The following NPSR1 variants were observed in gnomAD, a reference collection of about 807,000 sequenced individuals.
NPSR1 encodes the protein neuropeptide S receptor.
A neutral mutation model predicts 46.9 loss-of-function variants in NPSR1; 48 were observed. That is an observed-to-expected ratio of 1.02 (90% CI 0.81 to 1.30). The LOEUF is 1.30. Ranked by LOEUF, NPSR1 falls within the 50% of genes most tolerant of loss-of-function variation. The probability of loss-of-function intolerance (pLI) is 0.00; values close to 1 mark genes in which losing one functional copy is unlikely to be tolerated. For missense variants in NPSR1, 450 were observed against 449.5 expected, an observed-to-expected ratio of 1.00 and a Z score of -0.01; for synonymous variants, 176 against 168.1, an observed-to-expected ratio of 1.05 and a Z score of -0.36.
intron 1 of NPSR1, among the ~76,000 whole-genome samples, chr7:34,659,076 G>A (rs950421635): frequency 1.3e-5 from 2 of 152,094 alleles, no homozygotes; most frequent in African/African-American, 4.8e-5. Flanking sequence ...TTTCTTTGAG[G>A]GTAGTTGATG....
At chr7:34,765,763 A>T (rs968205193) in intron 2 of NPSR1, among the ~76,000 whole-genome samples, 3 of 152,266 alleles carry the variant, frequency 2.0e-5, no homozygotes, top group Non-Finnish European at 2.9e-5. Context: ...ACTTGGATGC[A>T]TCTGGAGGCC....
intron 2 of NPSR1, among the ~76,000 whole-genome samples, chr7:34,696,100 T>C (rs932317524): frequency 1.5e-5 from 2 of 131,970 alleles, no homozygotes; most frequent in African/African-American, 5.7e-5. Flanking sequence ...AAAAAAAAAC[T>C]GCGGTATATA....
At chr7:34,764,862 C>A (rs1436664660) in intron 2 of NPSR1, among the ~76,000 whole-genome samples, 6 of 152,058 alleles carry the variant, frequency 3.9e-5, no homozygotes. Flanking sequence ...AATACCCCAC[C>A]CCTAAGGCCC....
chr7:34,686,883 T>C (rs1792954420), intron 2 of NPSR1, among the ~76,000 whole-genome samples: 1 of 149,144 alleles, frequency 6.7e-6, no homozygotes, highest in Admixed American at 6.9e-5. Context: ...TCTCAGAACA[T>C]TCAGCTGACA....
intron 3 of NPSR1, among the ~76,000 whole-genome samples, chr7:34,810,714 T>A (rs1326522473): frequency 3.9e-5 from 6 of 152,224 alleles, no homozygotes; most frequent in African/African-American, 1.4e-4. Flanking sequence ...AAAAGTCAAT[T>A]CCAAACAAAT....
At chr7:34,745,799 C>A (rs1785176583) in intron 2 of NPSR1, among the ~76,000 whole-genome samples, 1 of 152,180 alleles carries the variant, frequency 6.6e-6, no homozygotes, top group African/African-American at 2.4e-5. Context: ...CAGGTGTGAG[C>A]CACCATCTCC....
At chr7:34,702,928 T>A (rs953737431) in intron 2 of NPSR1, among the ~76,000 whole-genome samples, 1 of 152,232 alleles carries the variant, frequency 6.6e-6, no homozygotes, top group Non-Finnish European at 1.5e-5. Context: ...ACACTAAGTC[T>A]TATTCAAAAA....
At chr7:34,823,397 C>CAGAAAA (rs1789653651) in intron 4 of NPSR1, among the ~76,000 whole-genome samples, 2 of 26,208 alleles carry the variant, frequency 7.6e-5, no homozygotes, top group Admixed American at 3.3e-4. Context: ...AAGACTTCAC[C>CAGAAAA]AGAAAAAAAA....
chr7:34,833,112 T>C (rs1283709653), intron 5 of NPSR1, among the ~76,000 whole-genome samples: 1 of 152,222 alleles, frequency 6.6e-6, no homozygotes, highest in Non-Finnish European at 1.5e-5. Flanking sequence ...TTAATTAAGT[T>C]ATATTCTAAA....
At chr7:34,744,932 A>C (rs999586909) in intron 2 of NPSR1, among the ~76,000 whole-genome samples, 2 of 152,212 alleles carry the variant, frequency 1.3e-5, no homozygotes, top group African/African-American at 4.8e-5. Flanking sequence ...TCCTTGTCAT[A>C]ATTTTCTAAA....
chr7:34,670,223 T>C (rs1791979441), intron 1 of NPSR1, among the ~76,000 whole-genome samples: 1 of 152,158 alleles, frequency 6.6e-6, no homozygotes, highest in African/African-American at 2.4e-5. Flanking sequence ...AATAAATGTA[T>C]ATCCACAGTA....
chr7:34,866,702 G>T (rs1327388326), intron 8 of NPSR1, among the ~76,000 whole-genome samples: 1 of 151,596 alleles, frequency 6.6e-6, no homozygotes, highest in Non-Finnish European at 1.5e-5. Context: ...TTTGGGAAAA[G>T]GGTATGAATA....
intron 3 of NPSR1, among the ~76,000 whole-genome samples, chr7:34,802,882 C>T (rs1178443432): frequency 6.7e-6 from 1 of 150,332 alleles, no homozygotes; most frequent in Non-Finnish European, 1.5e-5. Flanking sequence ...AAAAAACAAA[C>T]AACCCCATCA....
intron 3 of NPSR1, among the ~76,000 whole-genome samples, chr7:34,794,802 C>G (rs1328379847): frequency 6.6e-6 from 1 of 152,066 alleles, no homozygotes; most frequent in Non-Finnish European, 1.5e-5. Flanking sequence ...ATTAGCAAGT[C>G]AATCCAACAA....
intron 2 of NPSR1, among the ~76,000 whole-genome samples, chr7:34,749,380 G>A (rs985214384): frequency 6.6e-6 from 1 of 152,210 alleles, no homozygotes; most frequent in Non-Finnish European, 1.5e-5. Context: ...GAAAGGGGAA[G>A]TGAGGAGAGG....
intron 8 of NPSR1, among the ~76,000 whole-genome samples, chr7:34,869,725 G>A (rs116770202): frequency 1.1e-4 from 17 of 151,954 alleles, no homozygotes; most frequent in African/African-American, 3.9e-4. Flanking sequence ...GTAGGGAACA[G>A]TAAACCAAAG....
chr7:34,711,412 C>G (rs1280920911), intron 2 of NPSR1: 1 of 152,246 alleles, frequency 6.6e-6, no homozygotes, highest in Non-Finnish European at 1.5e-5. Context: ...AAAAACCACT[C>G]ATTTTATAGA....
chr7:34,668,702 G>A (rs936473031), intron 1 of NPSR1, among the ~76,000 whole-genome samples: 2 of 152,152 alleles, frequency 1.3e-5, no homozygotes, highest in Non-Finnish European at 2.9e-5. Flanking sequence ...ACCAGTTGAT[G>A]GAAGCCCCAT....
At chr7:34,847,843 T>C (rs1790793963) in intron 7 of NPSR1, among the ~76,000 whole-genome samples, 1 of 152,192 alleles carries the variant, frequency 6.6e-6, no homozygotes, top group African/African-American at 2.4e-5. Flanking sequence ...AGTCTCAAAA[T>C]TAACCATCAC....
Sources: allele counts gnomAD v4.1 joint callset (sites outside exome capture counted in the v4.1 genomes callset), GRCh38; gene constraint gnomAD v4.1.1; transcripts MANE v1.5; gene names NCBI Gene and HGNC (gene_info 2026-07-23, HGNC 2026-07-21).